PDS5A: variants seen among roughly 807,000 people sequenced by gnomAD.
The protein encoded by PDS5A is sister chromatid cohesion protein PDS5 homolog A.
PDS5A carries 42 observed loss-of-function variants against 167.1 expected under a neutral mutation model. That is an observed-to-expected ratio of 0.25 (90% CI 0.20 to 0.33). PDS5A has a LOEUF of 0.33. Among genes scored for constraint, PDS5A ranks in the 10% least tolerant of loss-of-function variants. The pLI is 1.00. For synonymous variants in PDS5A, 553 were observed against 554.6 expected (o/e 1.00, Z 0.04); for missense variants, 1,033 against 1,605.9 (o/e 0.64, Z 6.10).
In PDS5A at chr4:39,863,350, C is replaced by T; in HGVS notation, c.2752G>A (p.Ala918Thr). The T allele has an allele frequency of 6.2e-7, 1 of 1,600,388 alleles. No individual in the cohort carries two copies. Among genetic ancestry groups the T allele is most frequent in the Non-Finnish European group, 8.5e-7 (1 of 1,174,530 alleles). ...IITPEQFQLC[A>T]LVINDECYQV... is the part of the protein sequence containing the mutation. ...TTGTTACTTACATTAATAACAAGTG[C>T]ACAGAGCTGAAACTGTTCTGGGGTA... Residue 918 changes from alanine (A) to threonine (T), a missense_variant, in exon 24 of 33, where the codon GCA becomes ACA. Physicochemically the swap from Ala to Thr is moderately conservative, Grantham distance 58. Transcript: ENST00000303538.
At chr4:39,960,482 G>C (rs1185040561) in intron 2 of PDS5A, among the ~76,000 whole-genome samples, 1 of 152,044 alleles carries the variant, frequency 6.6e-6, no homozygotes, top group Non-Finnish European at 1.5e-5. Flanking sequence ...AACAGCAAGG[G>C]AAAGAAATTT....
At chr4:39,910,541 G>C (rs1478534327) in intron 9 of PDS5A, among the ~76,000 whole-genome samples, 1 of 152,114 alleles carries the variant, frequency 6.6e-6, no homozygotes, top group Non-Finnish European at 1.5e-5. Context: ...TTCACAAACA[G>C]AATTTCTTTA....
rs535330398 is a variant in PDS5A at position 39,835,918 on chromosome 4, T to G, written c.4010+1938A>C. Among the ~76,000 whole-genome samples the G allele has an allele frequency of 3.3e-5, 5 of 152,330 alleles. No individual in the cohort carries two copies. In the South Asian group the frequency reaches 1.0e-3, roughly 32 times the overall value. On this transcript the variant is annotated intron_variant, in intron 32 of 32. Transcript: ENST00000303538. ...TAGGTAGCCTGTGTGTGATGATTAGTACTTTTTTGTGTGTAGGTGAAGAAT... is the reference window on the plus strand; with the variant it reads ...TAGGTAGCCTGTGTGTGATGATTAGGACTTTTTTGTGTGTAGGTGAAGAAT...
At chr4:39,895,181 GACAGTGAGAC>G (rs1269153139) in intron 16 of PDS5A, among the ~76,000 whole-genome samples, 1 of 124,582 alleles carries the variant, frequency 8.0e-6, no homozygotes, top group East Asian at 2.3e-4. Flanking sequence ...CAGCTTGGGC[GACAGTGAGAC>G]TCCGTCTCAA....
At chr4:39,955,529 G>C (rs1466187467) in intron 2 of PDS5A, among the ~76,000 whole-genome samples, 1 of 151,918 alleles carries the variant, frequency 6.6e-6, no homozygotes, top group Admixed American at 6.6e-5. Flanking sequence ...GAACCCGGGG[G>C]AGCGGAGGTT....
At chr4:39,941,729 C>T (rs750667194) in intron 2 of PDS5A, among the ~76,000 whole-genome samples, 3 of 152,082 alleles carry the variant, frequency 2.0e-5, no homozygotes, top group Non-Finnish European at 4.4e-5. Context: ...ATTATTATGC[C>T]TTTTCATTGC....
At chr4:39,915,554 G>A (rs540376598) in intron 8 of PDS5A, among the ~76,000 whole-genome samples, 1 of 151,862 alleles carries the variant, frequency 6.6e-6, no homozygotes, top group East Asian at 1.9e-4. Flanking sequence ...GAGATGGGGT[G>A]TCACCATGTT....
chr4:39,952,706 C>T (rs1045988549), intron 2 of PDS5A, among the ~76,000 whole-genome samples: 3 of 151,074 alleles, frequency 2.0e-5, no homozygotes, highest in Non-Finnish European at 2.9e-5. Context: ...TCACTTGTCC[C>T]ACAGTACACA....
chr4:39,908,690 C>T, intron 10 of PDS5A, 150 bp from the exon 11 acceptor site: 1 of 615,168 alleles, frequency 1.6e-6, no homozygotes, highest in Non-Finnish European at 2.8e-6. Flanking sequence ...GTTATTTTTA[C>T]AGCAGCAGTA....
At chr4:39,902,041 G>A (rs902092728) in intron 13 of PDS5A, among the ~76,000 whole-genome samples, 1 of 152,090 alleles carries the variant, frequency 6.6e-6, no homozygotes, top group Non-Finnish European at 1.5e-5. Context: ...TCAGTTATTA[G>A]GCTTAATATT....
intron 2 of PDS5A, among the ~76,000 whole-genome samples, chr4:39,940,944 A>G (rs1385427675): frequency 1.3e-5 from 2 of 152,262 alleles, no homozygotes; most frequent in Non-Finnish European, 2.9e-5. Flanking sequence ...TCCTGGAATT[A>G]CAGGCATGAG....
chr4:39,923,824 C>T (rs1268944103), intron 5 of PDS5A, among the ~76,000 whole-genome samples: 2 of 152,040 alleles, frequency 1.3e-5, no homozygotes, highest in Non-Finnish European at 2.9e-5. Flanking sequence ...ATTCCTCAAA[C>T]TAAGATAAAA....
At chr4:39,975,626 T>C (rs996720999) in intron 2 of PDS5A, among the ~76,000 whole-genome samples, 2 of 152,228 alleles carry the variant, frequency 1.3e-5, no homozygotes, top group Non-Finnish European at 2.9e-5. Context: ...CCGGACTCAC[T>C]GCCTCTGGTC....
chr4:39,878,392 G>A (rs1329605646), intron 18 of PDS5A, among the ~76,000 whole-genome samples: 2 of 152,172 alleles, frequency 1.3e-5, no homozygotes, highest in South Asian at 2.1e-4. Flanking sequence ...TCAGGAGATC[G>A]AGACCATCCT....
At chr4:39,870,875 G>C (rs1185647083) in intron 21 of PDS5A, among the ~76,000 whole-genome samples, 2 of 152,062 alleles carry the variant, frequency 1.3e-5, no homozygotes, top group Non-Finnish European at 1.5e-5. Context: ...GTTTATATCA[G>C]CATTATTCAC....
chr4:39,976,173 T>C (rs1450791275), intron 2 of PDS5A: 1 of 255,552 alleles, frequency 3.9e-6, no homozygotes, highest in African/African-American at 2.2e-5. Context: ...TCTCATTAAA[T>C]ACCTCCAGAA....
chr4:39,882,853 C>T (rs932182961), intron 17 of PDS5A, among the ~76,000 whole-genome samples: 3 of 151,982 alleles, frequency 2.0e-5, no homozygotes, highest in Non-Finnish European at 4.4e-5. Flanking sequence ...ATGAAAAAGA[C>T]GATCTCAAGT....
intron 8 of PDS5A, among the ~76,000 whole-genome samples, chr4:39,914,605 A>C (rs1248798073): frequency 6.6e-6 from 1 of 152,164 alleles, no homozygotes; most frequent in Admixed American, 6.5e-5. Context: ...AAAAAGCAAA[A>C]CTTCATTGTT....
At chr4:39,963,855 G>A (rs1193584785) in intron 2 of PDS5A, among the ~76,000 whole-genome samples, 1 of 151,858 alleles carries the variant, frequency 6.6e-6, no homozygotes, top group East Asian at 1.9e-4. Context: ...GGGTGGGGGA[G>A]AGGGAGCGTC....
Sources: gnomAD v4.1 joint callset for allele counts (sites outside exome capture counted in the v4.1 genomes callset) on GRCh38, gnomAD v4.1.1 for gene constraint, MANE v1.5 for transcripts, NCBI Gene and HGNC (gene_info 2026-07-23, HGNC 2026-07-21) for gene names.